The following IQCM variants were observed in gnomAD, a reference collection of about 807,000 sequenced individuals.
IQCM encodes IQ domain-containing protein M.
IQCM carries 45 observed loss-of-function variants against 57.6 expected under a neutral mutation model. The ratio of observed to expected loss-of-function variants is 0.78; its 90% CI spans 0.62 to 1.00. IQCM has a LOEUF of 1.00. Ranked by LOEUF, IQCM falls within the 50% of genes least tolerant of loss-of-function variation. The pLI, the probability that IQCM is intolerant of heterozygous loss-of-function variation, is 0.00. For synonymous variants in IQCM, 148 were observed against 158.9 expected (o/e 0.93, Z 0.51); for missense variants, 468 against 511.6 (o/e 0.91, Z 0.82).
At chr4:149,528,682 T>C (rs1746427277) in intron 12 of IQCM, among the ~76,000 whole-genome samples, 2 of 152,064 alleles carry the variant, frequency 1.3e-5, no homozygotes, top group Admixed American at 1.3e-4. Context: ...AAAATGAGTA[T>C]AAAAGTGTGA....
chr4:149,770,057 C>G (rs533038999), intron 2 of IQCM, among the ~76,000 whole-genome samples: 2 of 151,870 alleles, frequency 1.3e-5, no homozygotes, highest in Non-Finnish European at 2.9e-5. Flanking sequence ...AAAGCTCATT[C>G]TTTAGAAAAT....
rs188672433 is a variant in IQCM at position 149,574,587 on chromosome 4, A to G, written c.750-10697T>C. Among the ~76,000 whole-genome samples, 27 of 152,090 alleles carry G rather than the reference A, an allele frequency of 1.8e-4. No homozygotes were observed. The East Asian group carries it at 5.1e-3, about 28-fold the overall frequency. ...ATCATTATGCAAGATTACATGTGAG[A>G]AAAGATACAATAAGTTGATTAGTAA... On this transcript the variant is annotated intron_variant, in intron 9 of 13. Coordinates refer to ENST00000636793, the MANE Select transcript of IQCM (RefSeq NM_001363507.2).
intron 12 of IQCM, among the ~76,000 whole-genome samples, chr4:149,498,915 A>C (rs1225155839): frequency 6.6e-6 from 1 of 152,166 alleles, no homozygotes; most frequent in East Asian, 1.9e-4. Flanking sequence ...AATGTATAAA[A>C]AAGTTAGATA....
intron 5 of IQCM, among the ~76,000 whole-genome samples, chr4:149,720,483 C>T (rs147788354): frequency 1.3e-5 from 2 of 152,252 alleles, no homozygotes; most frequent in African/African-American, 4.8e-5. Flanking sequence ...TCCTGTCTTA[C>T]TCTGAGTCCT....
chr4:149,523,110 C>T (rs1390064100), intron 12 of IQCM, among the ~76,000 whole-genome samples: 4 of 152,042 alleles, frequency 2.6e-5, no homozygotes, highest in African/African-American at 9.7e-5. Flanking sequence ...AGAAAACTGC[C>T]TTATACTCGT....
At chr4:149,698,365 G>A (rs558262661) in intron 5 of IQCM, among the ~76,000 whole-genome samples, 6 of 152,110 alleles carry the variant, frequency 3.9e-5, no homozygotes, top group African/African-American at 1.2e-4. Flanking sequence ...AAATATCTCA[G>A]TGACTGGCCT....
chr4:149,470,003 C>G (rs1262496833), intron 12 of IQCM, among the ~76,000 whole-genome samples: 1 of 152,142 alleles, frequency 6.6e-6, no homozygotes, highest in African/African-American at 2.4e-5. Context: ...CAACCAGTAC[C>G]AGCCACTGCA....
chr4:149,358,082 G>A (rs1289249786), intron 13 of IQCM, among the ~76,000 whole-genome samples: 1 of 152,008 alleles, frequency 6.6e-6, no homozygotes, highest in Admixed American at 6.6e-5. Flanking sequence ...CTGTGGGATC[G>A]GTGGTGATAT....
intron 12 of IQCM, among the ~76,000 whole-genome samples, chr4:149,531,214 T>C (rs1746715861): frequency 1.3e-5 from 2 of 152,210 alleles, no homozygotes; most frequent in Admixed American, 1.3e-4. Flanking sequence ...CTTTGTTATA[T>C]GCGTAAACTC....
At chr4:149,396,477 T>A (rs556321188) in intron 13 of IQCM, among the ~76,000 whole-genome samples, 57 of 152,128 alleles carry the variant, frequency 3.7e-4, no homozygotes, top group African/African-American at 1.3e-3. Flanking sequence ...TATACAGCTC[T>A]ACATCTTGTT....
intron 8 of IQCM, among the ~76,000 whole-genome samples, chr4:149,613,206 A>T (rs1478764448): frequency 6.6e-6 from 1 of 152,074 alleles, no homozygotes; most frequent in African/African-American, 2.4e-5. Context: ...AATGTTTTGG[A>T]GGAGAGAAGA....
At position 149,594,351 on chromosome 4, in the gene IQCM, T is replaced by A. The variant is rs368646781; in HGVS notation, c.682-6354A>T. Among the ~76,000 whole-genome samples, 1,116 of 152,346 alleles carry A rather than the reference T, an allele frequency of 7.3e-3. 7 individuals are homozygous for A. Among genetic ancestry groups the A allele is most frequent in the South Asian group, 0.035 (171 of 4,828 alleles). On this transcript the variant is annotated intron_variant, in intron 8 of 13. Transcript: ENST00000636793. ...ATCTACTTTATTCTTCTCTCTTTTC[T>A]TCTTTATTAGTCTTGCTAGCGGTCT...
chr4:149,582,314 ATATATATATATATATATATATATAT>A (rs1752270189), intron 9 of IQCM, among the ~76,000 whole-genome samples: 1 of 1,510 alleles, frequency 6.6e-4, no homozygotes, highest in Non-Finnish European at 1.3e-3. Context: ...AGACATATAT[ATATATATATATATATATATATATAT>A]ATATATATAT....
At chr4:149,691,168 G>C (rs1762916491) in intron 5 of IQCM, among the ~76,000 whole-genome samples, 1 of 152,048 alleles carries the variant, frequency 6.6e-6, no homozygotes, top group African/African-American at 2.4e-5. Context: ...TTTATTCTTA[G>C]AGACATCCCA....
At chr4:149,436,869 A>G (rs1221352949) in intron 12 of IQCM, among the ~76,000 whole-genome samples, 1 of 152,168 alleles carries the variant, frequency 6.6e-6, no homozygotes, top group Non-Finnish European at 1.5e-5. Flanking sequence ...GCAAATGTAT[A>G]TAACATAGTT....
chr4:149,432,252 T>C (rs1459954470), intron 13 of IQCM, among the ~76,000 whole-genome samples: 2 of 151,920 alleles, frequency 1.3e-5, no homozygotes, highest in Non-Finnish European at 1.5e-5. Context: ...GCCTTTCTAA[T>C]AAGTGAGAAG....
intron 7 of IQCM, among the ~76,000 whole-genome samples, chr4:149,649,652 G>A (rs566139069): frequency 6.6e-6 from 1 of 152,216 alleles, no homozygotes; most frequent in South Asian, 2.1e-4. Flanking sequence ...AAAAGCCAGA[G>A]CTTAATAGGT....
At chr4:149,471,393 A>G (rs547985937) in intron 12 of IQCM, among the ~76,000 whole-genome samples, 37 of 152,298 alleles carry the variant, frequency 2.4e-4, no homozygotes, top group South Asian at 1.7e-3. Context: ...TCCAGGACAC[A>G]AACACCCACC....
At chr4:149,698,678 C>A (rs1175867295) in intron 5 of IQCM, among the ~76,000 whole-genome samples, 12 of 151,936 alleles carry the variant, frequency 7.9e-5, no homozygotes, top group Admixed American at 7.9e-4. Flanking sequence ...GTAATGAAAA[C>A]CAATTCAATG....
Sources: allele counts gnomAD v4.1 joint callset (sites outside exome capture counted in the v4.1 genomes callset), GRCh38; gene constraint gnomAD v4.1.1; transcripts MANE v1.5; gene names NCBI Gene and HGNC (gene_info 2026-07-23, HGNC 2026-07-21).